MAP3K5: variants seen among roughly 807,000 people sequenced by gnomAD.
MAP3K5 encodes the protein ASK-1.
Under a neutral mutation model 158.7 loss-of-function variants are expected in MAP3K5, and 56 were observed. The observed-to-expected ratio is 0.35, with a 90% CI of 0.28 to 0.44. The LOEUF is 0.44. MAP3K5 is among the 20% of genes least tolerant of loss of function. The pLI is 1.00. For synonymous variants in MAP3K5, 579 were observed against 601.7 expected, an observed-to-expected ratio of 0.96 and a Z score of 0.55; for missense variants, 1,294 against 1,674.8, an observed-to-expected ratio of 0.77 and a Z score of 3.97.
In MAP3K5 at chr6:136,562,706, C is replaced by G. The variant is rs74451011; in HGVS notation, c.3762-91G>C. 8,613 of 641,610 alleles carry G rather than the reference C, an allele frequency of 0.013. 525 individuals are homozygous for G. In the East Asian group the frequency reaches 0.15, roughly 11 times the overall value. The allele number at this position is 641,610 out of a possible 1,614,324, so 39.7% of individuals were successfully genotyped here. A position where few individuals can be genotyped will look rare whatever the true frequency, so the allele number is the denominator to read the frequency against. The stretch of plus-strand genomic sequence containing the variant: ...ATTTTTTTAGATACAAGGTCTCTCT[C>G]TGTTGCCTAGGCTGAGTGTAGTGGC... On this transcript the variant is annotated intron_variant, in intron 26 of 29. Transcript: ENST00000359015.
At chr6:136,606,090 C>T (rs1222751256) in intron 18 of MAP3K5, among the ~76,000 whole-genome samples, 10 of 152,178 alleles carry the variant, frequency 6.6e-5, no homozygotes, top group South Asian at 2.1e-4. Context: ...CGGTGGCTCA[C>T]GCCTGTAATC....
At chr6:136,694,883 A>G (rs184193650) in intron 6 of MAP3K5, among the ~76,000 whole-genome samples, 9 of 152,342 alleles carry the variant, frequency 5.9e-5, no homozygotes, top group Admixed American at 2.0e-4. Context: ...TAAAAATTCT[A>G]TAAGAGTTAT....
At chr6:136,597,529 T>C (rs1007842316) in intron 21 of MAP3K5, among the ~76,000 whole-genome samples, 10 of 152,080 alleles carry the variant, frequency 6.6e-5, no homozygotes, top group African/African-American at 1.7e-4. Context: ...TGGCCAAACA[T>C]AGAATAGTGG....
At chr6:136,755,021 CCTCTCTAT>C (rs1783411428) in intron 1 of MAP3K5, among the ~76,000 whole-genome samples, 1 of 152,084 alleles carries the variant, frequency 6.6e-6, no homozygotes, top group Non-Finnish European at 1.5e-5. Flanking sequence ...TCCATTTACT[CCTCTCTAT>C]CTATATGGCC....
intron 1 of MAP3K5, among the ~76,000 whole-genome samples, chr6:136,786,565 G>A (rs1477605761): frequency 3.3e-5 from 5 of 152,010 alleles, no homozygotes; most frequent in Non-Finnish European, 5.9e-5. Flanking sequence ...TCTTGTATAC[G>A]TAAATAAGAT....
At chr6:136,774,485 T>G (rs538990926) in intron 1 of MAP3K5, among the ~76,000 whole-genome samples, 1 of 151,904 alleles carries the variant, frequency 6.6e-6, no homozygotes, top group South Asian at 2.1e-4. Flanking sequence ...AACAAACAAT[T>G]AGCACAATAT....
chr6:136,656,238 G>A, intron 10 of MAP3K5, 69 bp downstream of exon 10: 7 of 1,445,092 alleles, frequency 4.8e-6, no homozygotes, highest in Non-Finnish European at 6.8e-6. Context: ...CCCAAGCACT[G>A]ATACAATCAC....
rs148123294 is a variant in MAP3K5 at position 136,559,138 on chromosome 6, G to A, written c.3988-262C>T. On this transcript the variant is annotated intron_variant, in intron 28 of 29. Transcript: ENST00000359015. ...GGCTGAGGCAGGCGGATCATCTGAGGTCAGGAGTTCGAGACCAGCCTGGCC... is the reference window on the plus strand; with the variant it reads ...GGCTGAGGCAGGCGGATCATCTGAGATCAGGAGTTCGAGACCAGCCTGGCC... Among the ~76,000 whole-genome samples the A allele has an allele frequency of 4.8e-3, 734 of 152,214 alleles. 4 individuals are homozygous for A. Among genetic ancestry groups the A allele is most frequent in the East Asian group, 0.041 (210 of 5,166 alleles).
At chr6:136,599,173 G>C (rs1430286330) in intron 21 of MAP3K5, among the ~76,000 whole-genome samples, 2 of 148,982 alleles carry the variant, frequency 1.3e-5, no homozygotes, top group African/African-American at 4.9e-5. Flanking sequence ...AAAAAAGGGG[G>C]GGGGGGCGTG....
intron 9 of MAP3K5, among the ~76,000 whole-genome samples, chr6:136,658,162 C>T (rs1172658746): frequency 6.6e-6 from 1 of 152,102 alleles, no homozygotes; most frequent in Non-Finnish European, 1.5e-5. Context: ...TGAAAACAGC[C>T]GAGTCGGTGG....
chr6:136,742,758 TAAAG>T (rs1254949931), intron 1 of MAP3K5, among the ~76,000 whole-genome samples: 1 of 152,176 alleles, frequency 6.6e-6, no homozygotes, highest in African/African-American at 2.4e-5. Flanking sequence ...ACATATCTGT[TAAAG>T]AGTGTTATCC....
rs750404207 is a variant in MAP3K5 at position 136,613,251 on chromosome 6, G to C, written c.2284C>G (p.Leu762Val). ...CATTTGGAACGAAGGAGAGCAGAAA[G>C]ACTTCCTGTAAAGTAGGGATAAATA... is the stretch of plus-strand genomic sequence containing the variant. ...IFMEQVPGGS[L>V]SALLRSKWGP... The change falls in exon 17 of 30, where the codon CTT becomes GTT. Residue 762 changes from leucine to valine, a missense_variant. By Grantham distance (32) the Leu-to-Val change is conservative (BLOSUM62 1). Coordinates refer to ENST00000359015, the MANE Select transcript of MAP3K5 (RefSeq NM_005923.4). The surrounding 1 kb of genome is among the most constrained non-coding windows in gnomAD (Gnocchi z 4.0). The C allele has an allele frequency of 6.2e-7, 1 of 1,612,352 alleles. No homozygotes were observed. Among genetic ancestry groups the C allele is most frequent in the South Asian group, 1.1e-5 (1 of 90,770 alleles).
At chr6:136,745,495 T>G (rs1292777003) in intron 1 of MAP3K5, among the ~76,000 whole-genome samples, 5 of 152,138 alleles carry the variant, frequency 3.3e-5, no homozygotes, top group African/African-American at 1.2e-4. Flanking sequence ...AGGAGGATGC[T>G]GGGAACGCTC....
chr6:136,605,951 T>C (rs1333205114), intron 18 of MAP3K5, among the ~76,000 whole-genome samples: 1 of 152,212 alleles, frequency 6.6e-6, no homozygotes, highest in Non-Finnish European at 1.5e-5. Flanking sequence ...GTAATCCAAA[T>C]ATACATGACT....
chr6:136,669,221 T>C lies in MAP3K5; in HGVS notation c.1366+62A>G, dbSNP rs1779361764. On this transcript the variant is annotated intron_variant, in intron 8 of 29. Transcript: ENST00000359015. Reference sequence around the variant, plus strand: ...AAGATTTATCTATTCATGATTCTTTTTCTTTGCACCAAGTTGGGTCCAGTT... The same window carrying C: ...AAGATTTATCTATTCATGATTCTTTCTCTTTGCACCAAGTTGGGTCCAGTT... 6 of 1,068,086 alleles carry C rather than the reference T, an allele frequency of 5.6e-6. No individual in the cohort carries two copies. The South Asian group carries it at 7.8e-5, about 14-fold the overall frequency. 66.2% of individuals were successfully genotyped at this position (1,068,086 alleles called of 1,614,324 possible). A position where few individuals can be genotyped will look rare whatever the true frequency, so the allele number is the denominator to read the frequency against.
chr6:136,634,845 G>C (rs1023596195), intron 14 of MAP3K5, among the ~76,000 whole-genome samples: 1 of 151,564 alleles, frequency 6.6e-6, no homozygotes, highest in African/African-American at 2.4e-5. Flanking sequence ...GGGATTACAG[G>C]CATGAGCCAC....
At chr6:136,699,235 T>C (rs1363099578) in intron 3 of MAP3K5, among the ~76,000 whole-genome samples, 1 of 152,162 alleles carries the variant, frequency 6.6e-6, no homozygotes, top group Admixed American at 6.5e-5. Context: ...CGAAGTCCCA[T>C]CTGTCCTGCC....
chr6:136,742,448 CA>C (rs1298710035), intron 1 of MAP3K5, among the ~76,000 whole-genome samples: 6 of 148,998 alleles, frequency 4.0e-5, no homozygotes, highest in Non-Finnish European at 8.9e-5. Flanking sequence ...AAACAAAAAA[CA>C]AAAACAAAAA....
At chr6:136,588,104 T>C (rs2327743) in intron 23 of MAP3K5, among the ~76,000 whole-genome samples, 43,191 of 152,052 alleles carry the variant, frequency 0.28, 8,590 homozygotes, top group African/African-American at 0.56. Context: ...AATCAAGCAT[T>C]TTAAAGGTCC....
Sources: gnomAD v4.1 joint callset for allele counts (sites outside exome capture counted in the v4.1 genomes callset) on GRCh38, gnomAD v4.1.1 for gene constraint, Gnocchi (gnomAD v3.1) non-coding constraint, MANE v1.5 for transcripts, NCBI Gene and HGNC (gene_info 2026-07-23, HGNC 2026-07-21) for gene names.